Variants in INPP4A observed in about 807,000 individuals in gnomAD.
The protein encoded by INPP4A is inositol polyphosphate-4-phosphatase, type I, 107kD.
INPP4A carries 33 observed loss-of-function variants against 119.8 expected under a neutral mutation model. The observed-to-expected ratio is 0.28, with a 90% CI of 0.21 to 0.37. The LOEUF is 0.37. Ranked by LOEUF, INPP4A falls within the 10% of genes least tolerant of loss-of-function variation. INPP4A has a pLI of 1.00. For missense variants in INPP4A, 956 were observed against 1,289.9 expected, an observed-to-expected ratio of 0.74 and a Z score of 3.97; for synonymous variants, 496 against 500.7, an observed-to-expected ratio of 0.99 and a Z score of 0.12.
chr2:98,483,719 C>T (rs542158930), intron 1 of INPP4A, among the ~76,000 whole-genome samples: 1 of 152,276 alleles, frequency 6.6e-6, no homozygotes, highest in African/African-American at 2.4e-5. Flanking sequence ...AGCTCTCAGT[C>T]CTTTCTCTTC....
intron 1 of INPP4A, among the ~76,000 whole-genome samples, chr2:98,517,947 C>T (rs929371410): frequency 1.3e-4 from 20 of 152,212 alleles, no homozygotes; most frequent in African/African-American, 4.6e-4. Flanking sequence ...GAAGAACAAA[C>T]AAAACTCTTT....
At position 98,537,941 on chromosome 2, in the gene INPP4A, T is replaced by A. The variant is rs1251433840; in HGVS notation, c.546T>A (p.Pro182=). Residue 182 remains proline, a synonymous_variant, in exon 8 of 25, where the codon CCT becomes CCA. Transcript: ENST00000409851. ...QMEEKSDQRP[P]VTRSVDTVNG... is the part of the protein sequence containing the mutation. ...AGGAGAAGTCAGACCAACGGCCCCC[T>A]GTGACCCGGTCTGTGGACACTGTCA... 1.2e-6 allele frequency: 2 copies of A among 1,612,436 alleles called. No homozygotes were observed.
chr2:98,541,000 T>C (rs1250912985), intron 10 of INPP4A, among the ~76,000 whole-genome samples: 1 of 152,186 alleles, frequency 6.6e-6, no homozygotes, highest in Non-Finnish European at 1.5e-5. Context: ...TTTTGTTTAA[T>C]TTTTTTACTT....
chr2:98,544,039 G>A (rs965571108), intron 11 of INPP4A, 32 bp downstream of exon 11: 17 of 1,533,786 alleles, frequency 1.1e-5, no homozygotes, highest in African/African-American at 1.4e-5. Context: ...CACCACACAC[G>A]CGTGCGCACA....
chr2:98,451,502 G>A (rs966145271), intron 1 of INPP4A, among the ~76,000 whole-genome samples: 2 of 152,104 alleles, frequency 1.3e-5, no homozygotes, highest in African/African-American at 4.8e-5. Flanking sequence ...TCCTCCTAGA[G>A]CGCTTTCCCT....
chr2:98,476,955 C>G (rs1677359651), intron 1 of INPP4A, among the ~76,000 whole-genome samples: 1 of 152,218 alleles, frequency 6.6e-6, no homozygotes, highest in Non-Finnish European at 1.5e-5. Flanking sequence ...GCCTCCATCC[C>G]CCTGTTTCTG....
chr2:98,574,222 C>T (rs77504020), intron 23 of INPP4A, among the ~76,000 whole-genome samples: 3 of 152,182 alleles, frequency 2.0e-5, no homozygotes, highest in East Asian at 1.9e-4. Context: ...ACAGAGGGGG[C>T]TCCCTACTTT....
In INPP4A at chr2:98,514,751, A is replaced by G. The variant is rs545181619; in HGVS notation, c.-165-4213A>G. Among the ~76,000 whole-genome samples the G allele has an allele frequency of 7.2e-5, 11 of 152,208 alleles. No individual in the cohort carries two copies. The South Asian group carries it at 2.3e-3, about 32-fold the overall frequency. On this transcript the variant is annotated intron_variant, in intron 1 of 24. Coordinates refer to ENST00000409851, the MANE Select transcript of INPP4A (RefSeq NM_001134225.2). ...GGCAACATAGTGAGACCTCATCTCT[A>G]ATTTTAAAAAATTAGTAATTATCCA... is the stretch of plus-strand genomic sequence containing the variant.
chr2:98,496,760 A>G (rs1477148989), intron 1 of INPP4A, among the ~76,000 whole-genome samples: 9 of 152,220 alleles, frequency 5.9e-5, no homozygotes, highest in Non-Finnish European at 1.3e-4. Flanking sequence ...AGGTATAGGA[A>G]GAAATGCTCA....
At chr2:98,448,698 T>G (rs925282154) in intron 1 of INPP4A, among the ~76,000 whole-genome samples, 26 of 118,892 alleles carry the variant, frequency 2.2e-4, no homozygotes, top group African/African-American at 7.7e-4. Flanking sequence ...TTCTTTTCTC[T>G]CTCTCTCTCT....
At chr2:98,572,760 C>T in intron 22 of INPP4A, 55 bp from the exon 23 acceptor site, 3 of 1,304,354 alleles carry the variant, frequency 2.3e-6, no homozygotes, top group Non-Finnish European at 2.1e-6. Context: ...GCTCCCTCTG[C>T]CGGGGGAGTT....
intron 24 of INPP4A, among the ~76,000 whole-genome samples, chr2:98,580,222 T>C (rs1040167413): frequency 2.8e-5 from 4 of 142,202 alleles, no homozygotes; most frequent in African/African-American, 1.0e-4. Flanking sequence ...TTGCATCTTA[T>C]CAGACGGAAG....
intron 1 of INPP4A, among the ~76,000 whole-genome samples, chr2:98,470,974 A>G (rs1038338648): frequency 2.0e-5 from 3 of 152,158 alleles, no homozygotes; most frequent in Non-Finnish European, 4.4e-5. Context: ...CCACTGGAAG[A>G]CATTTCTAAA....
At chr2:98,515,037 G>T (rs1027261101) in intron 1 of INPP4A, among the ~76,000 whole-genome samples, 1 of 152,194 alleles carries the variant, frequency 6.6e-6, no homozygotes, top group African/African-American at 2.4e-5. Context: ...GGGCAGGGCA[G>T]CTCCACGCCC....
At position 98,588,724 on chromosome 2, in the gene INPP4A, T is replaced by C. The variant is rs895581414; in HGVS notation, c.*1116T>C. The C allele has an allele frequency of 4.5e-6, 1 of 222,156 alleles. No homozygotes were observed. The highest frequency in any genetic ancestry group is 9.0e-6 in the Non-Finnish European group (1 of 111,274). 13.8% of individuals were successfully genotyped at this position (222,156 alleles called of 1,614,324 possible). A position where few individuals can be genotyped will look rare whatever the true frequency, so the allele number is the denominator to read the frequency against. On this transcript the variant is annotated 3_prime_UTR_variant, in exon 25 of 25. Transcript: ENST00000409851. Reference sequence around the variant, plus strand: ...AAACTTAGGAATTTCATAGAAAATTTTGTCTGGTCATCTTTTATAAGATGA... The same window carrying C: ...AAACTTAGGAATTTCATAGAAAATTCTGTCTGGTCATCTTTTATAAGATGA...
At chr2:98,582,597 C>T (rs372450323) in intron 24 of INPP4A, among the ~76,000 whole-genome samples, 2 of 134,878 alleles carry the variant, frequency 1.5e-5, no homozygotes, top group African/African-American at 2.8e-5. Context: ...CTACTGCATA[C>T]GCCAAAGAAA....
At chr2:98,455,956 T>A (rs1000840303) in intron 1 of INPP4A, among the ~76,000 whole-genome samples, 1 of 152,160 alleles carries the variant, frequency 6.6e-6, no homozygotes, top group Non-Finnish European at 1.5e-5. Flanking sequence ...TTTCCTTGGC[T>A]TTTCCAGCCT....
chr2:98,467,748 C>T (rs771425437), intron 1 of INPP4A, among the ~76,000 whole-genome samples: 1 of 152,120 alleles, frequency 6.6e-6, no homozygotes, highest in Non-Finnish European at 1.5e-5. Flanking sequence ...ACCATAATAA[C>T]GTTTTTCTGA....
At position 98,554,204 on chromosome 2, in the gene INPP4A, A is replaced by T; in HGVS notation, c.1348-67A>T. 8.0e-7 allele frequency: 1 copy of T among 1,248,210 alleles called. No individual in the cohort carries two copies. Among genetic ancestry groups the T allele is most frequent in the Non-Finnish European group, 1.1e-6 (1 of 890,618 alleles). 77.3% of individuals were successfully genotyped at this position (1,248,210 alleles called of 1,614,324 possible). The stretch of plus-strand genomic sequence containing the variant: ...GCTTTAAGCCCATTCTCCATTTCTG[A>T]GATAAGGCAGGGGCCTCCCCAGCCC... On this transcript the variant is annotated intron_variant, in intron 14 of 24. Transcript: ENST00000409851. The surrounding 1 kb of genome is among the most constrained non-coding windows in gnomAD (Gnocchi z 4.7).
Sources: allele counts gnomAD v4.1 joint callset (sites outside exome capture counted in the v4.1 genomes callset), GRCh38; gene constraint gnomAD v4.1.1; non-coding constraint Gnocchi (gnomAD v3.1); transcripts MANE v1.5; gene names NCBI Gene and HGNC (gene_info 2026-07-23, HGNC 2026-07-21).